TRPC3: variants seen among roughly 807,000 people sequenced by gnomAD.
TRPC3 encodes the protein short transient receptor potential channel 3.
Under a neutral mutation model 90.9 loss-of-function variants are expected in TRPC3, and 54 were observed. The observed-to-expected ratio is 0.59, with a 90% CI of 0.48 to 0.75. The LOEUF is 0.75. TRPC3 is among the 30% of genes least tolerant of loss of function. TRPC3 has a pLI of 0.00. For missense variants in TRPC3, 918 were observed against 1,194.5 expected, an observed-to-expected ratio of 0.77 and a Z score of 3.41; for synonymous variants, 424 against 450.9, an observed-to-expected ratio of 0.94 and a Z score of 0.75.
chr4:121,896,007 G>C (rs1056906006), intron 10 of TRPC3, among the ~76,000 whole-genome samples: 1 of 152,070 alleles, frequency 6.6e-6, no homozygotes. Context: ...GGAATGCAAG[G>C]ATGTTTCAAC....
chr4:121,892,155 G>T (rs1164707740), intron 10 of TRPC3, among the ~76,000 whole-genome samples: 1 of 152,156 alleles, frequency 6.6e-6, no homozygotes, highest in African/African-American at 2.4e-5. Flanking sequence ...TAGAGCTGAA[G>T]GATCAAAAGA....
chr4:121,946,582 T>C (rs1730496537), intron 1 of TRPC3, among the ~76,000 whole-genome samples: 2 of 152,190 alleles, frequency 1.3e-5, no homozygotes, highest in African/African-American at 2.4e-5. Flanking sequence ...TTGTGGAAGA[T>C]AGGGGGAGAA....
chr4:121,884,808 G>T (rs1728056533), intron 10 of TRPC3, among the ~76,000 whole-genome samples: 1 of 152,148 alleles, frequency 6.6e-6, no homozygotes, highest in Non-Finnish European at 1.5e-5. Flanking sequence ...CATTCATTCA[G>T]CAAATATTTA....
At chr4:121,928,673 G>A (rs774141749) in intron 2 of TRPC3, among the ~76,000 whole-genome samples, 2 of 152,124 alleles carry the variant, frequency 1.3e-5, no homozygotes, top group African/African-American at 2.4e-5. Context: ...GTTAGCTGGT[G>A]GACCTACTGC....
At chr4:121,892,199 A>G (rs527706184) in intron 10 of TRPC3, among the ~76,000 whole-genome samples, 1 of 152,340 alleles carries the variant, frequency 6.6e-6, no homozygotes, top group African/African-American at 2.4e-5. Flanking sequence ...ATTAACAGAG[A>G]TCTAAGTATG....
intron 10 of TRPC3, among the ~76,000 whole-genome samples, chr4:121,886,568 G>A (rs1728125707): frequency 6.6e-6 from 1 of 152,158 alleles, no homozygotes; most frequent in Non-Finnish European, 1.5e-5. Context: ...GACAACTATA[G>A]CTGTTAGAAA....
rs1184377628 is a variant in TRPC3, at chr4:121,879,661, T to C, written c.*75A>G. 6.7e-7 allele frequency: 1 copy of C among 1,495,264 alleles called. No individual in the cohort carries two copies. Among genetic ancestry groups the C allele is most frequent in the Non-Finnish European group, 9.0e-7 (1 of 1,113,020 alleles). The allele number at this position is 1,495,264 out of a possible 1,614,324, so 92.6% of individuals were successfully genotyped here. ...AATACTAAAAATTTACATCATAGTT[T>C]TTCAAGTATTTCATACTTAGAAATA... On this transcript the variant is annotated 3_prime_UTR_variant, in exon 12 of 12. Transcript: ENST00000379645.
chr4:121,885,166 G>C (rs1341379143), intron 10 of TRPC3, among the ~76,000 whole-genome samples: 1 of 152,150 alleles, frequency 6.6e-6, no homozygotes. Context: ...ACACTACCTG[G>C]TAATAGTCCA....
At chr4:121,897,274 A>G (rs1728548023) in intron 10 of TRPC3, among the ~76,000 whole-genome samples, 1 of 152,110 alleles carries the variant, frequency 6.6e-6, no homozygotes, top group African/African-American at 2.4e-5. Context: ...AAGTAACAAA[A>G]GCAAAAATAA....
At chr4:121,920,467 T>C (rs986488860) in intron 3 of TRPC3, among the ~76,000 whole-genome samples, 2 of 151,760 alleles carry the variant, frequency 1.3e-5, no homozygotes, top group Admixed American at 6.6e-5. Context: ...GAGGTTGCAG[T>C]GAGCCAAGAT....
chr4:121,899,828 TG>T, intron 9 of TRPC3, 133 bp from the exon 10 acceptor site: 4 of 668,468 alleles, frequency 6.0e-6, no homozygotes, highest in Non-Finnish European at 1.0e-5. Flanking sequence ...AGTTGAGCTT[TG>T]TAAGTGATGT....
intron 10 of TRPC3, among the ~76,000 whole-genome samples, chr4:121,886,363 G>A (rs528683864): frequency 6.6e-6 from 1 of 152,206 alleles, no homozygotes; most frequent in South Asian, 2.1e-4. Flanking sequence ...TAAGACTGAT[G>A]TAGACAAATA....
At chr4:121,941,077 A>T (rs1361682272) in intron 1 of TRPC3, among the ~76,000 whole-genome samples, 1 of 152,212 alleles carries the variant, frequency 6.6e-6, no homozygotes, top group South Asian at 2.1e-4. Flanking sequence ...GGGAATAAGA[A>T]AATGAACAAT....
chr4:121,951,817 A>G lies in TRPC3; in HGVS notation c.-137T>C, dbSNP rs1047277411. 2 of 592,394 alleles carry G rather than the reference A, an allele frequency of 3.4e-6. No individual in the cohort carries two copies. The highest frequency in any genetic ancestry group is 5.1e-6 in the Non-Finnish European group (2 of 394,366). The allele number at this position is 592,394 out of a possible 1,614,324, so 36.7% of individuals were successfully genotyped here. ...CCCGGGCGGCCCAGGGCGGGAAGGC[A>G]GGAGCGGAGAGCGTCGCGGCCCGCG... On this transcript the variant is annotated 5_prime_UTR_variant, in exon 1 of 12. Transcript: ENST00000379645. This position sits in a 1 kb window ranked among gnomAD's most constrained non-coding sequence, Gnocchi z 4.4.
At chr4:121,901,501 T>C (rs1351008350) in intron 9 of TRPC3, among the ~76,000 whole-genome samples, 1 of 152,226 alleles carries the variant, frequency 6.6e-6, no homozygotes, top group African/African-American at 2.4e-5. Flanking sequence ...AAGCAAATTA[T>C]CTGAATAGCT....
chr4:121,898,062 G>A (rs1728579930), intron 10 of TRPC3, among the ~76,000 whole-genome samples: 1 of 152,140 alleles, frequency 6.6e-6, no homozygotes, highest in Non-Finnish European at 1.5e-5. Context: ...ATAAAGTTAA[G>A]CACCGCATGT....
At position 121,877,042 on chromosome 4, in the gene TRPC3, C is replaced by T. The variant is rs531851147; in HGVS notation, c.*2694G>A. Among the ~76,000 whole-genome samples the T allele has an allele frequency of 5.5e-4, 84 of 152,236 alleles. No homozygotes were observed. Among genetic ancestry groups the T allele is most frequent in the Admixed American group, 2.9e-3 (44 of 15,294 alleles). On this transcript the variant is annotated 3_prime_UTR_variant, in exon 12 of 12. Coordinates refer to ENST00000379645, the MANE Select transcript of TRPC3 (RefSeq NM_001130698.2). ...CTTCTCTGAGTTGCCCCAACAACTT[C>T]TTTGAGGTTTGTTTTCCCAAAGGTA...
intron 10 of TRPC3, among the ~76,000 whole-genome samples, chr4:121,891,144 A>G (rs1728314393): frequency 6.6e-6 from 1 of 152,198 alleles, no homozygotes; most frequent in Admixed American, 6.5e-5. Context: ...TGAGGAAAAC[A>G]ATCAGGCTGG....
chr4:121,896,062 G>A (rs1385333083), intron 10 of TRPC3, among the ~76,000 whole-genome samples: 5 of 151,828 alleles, frequency 3.3e-5, no homozygotes, highest in African/African-American at 1.2e-4. Context: ...ACAGAATGAA[G>A]GATAAAAACT....
Sources: allele counts gnomAD v4.1 joint callset (sites outside exome capture counted in the v4.1 genomes callset), GRCh38; gene constraint gnomAD v4.1.1; non-coding constraint Gnocchi (gnomAD v3.1); transcripts MANE v1.5; gene names NCBI Gene and HGNC (gene_info 2026-07-23, HGNC 2026-07-21).